Variants in CACNA1H observed in about 807,000 individuals in gnomAD.
CACNA1H encodes the protein voltage-dependent T-type calcium channel subunit alpha-1H.
CACNA1H carries 149 observed loss-of-function variants against 192.5 expected under a neutral mutation model. That is an observed-to-expected ratio of 0.77 (90% confidence interval 0.68 to 0.89). The LOEUF (loss-of-function observed/expected upper bound fraction) is 0.89. Among genes scored for constraint, CACNA1H ranks in the 40% least tolerant of loss-of-function variants. The pLI is 0.00. For missense variants in CACNA1H, 4,257 were observed against 3,423.5 expected (o/e 1.24, Z -6.08); for synonymous variants, 2,202 against 1,475.2 (o/e 1.49, Z -11.29).
At chr16:1,183,968 G>C (rs746333623) in intron 2 of CACNA1H, among the ~76,000 whole-genome samples, 1 of 152,238 alleles carries the variant, frequency 6.6e-6, no homozygotes, top group Admixed American at 6.5e-5. Flanking sequence ...GGGAAGGTGC[G>C]TCTGCCTCGG....
chr16:1,158,409 C>T (rs1395820077), intron 2 of CACNA1H, among the ~76,000 whole-genome samples: 1 of 152,176 alleles, frequency 6.6e-6, no homozygotes, highest in Non-Finnish European at 1.5e-5. Flanking sequence ...GGCAGCTCAT[C>T]CTTCCCGGGG....
intron 10 of CACNA1H, 27 bp downstream of exon 10, chr16:1,204,485 G>T (rs768696630): frequency 1.5e-5 from 22 of 1,507,532 alleles, no homozygotes; most frequent in Non-Finnish European, 1.9e-5. Context: ...CCACGGGGTG[G>T]GCTCCCTGTC....
intron 5 of CACNA1H, among the ~76,000 whole-genome samples, chr16:1,198,377 G>A (rs1370072958): frequency 6.6e-6 from 1 of 152,168 alleles, no homozygotes; most frequent in Admixed American, 6.5e-5. Context: ...GCGCCCCGCT[G>A]GATGCACGTC....
At chr16:1,218,773 G>C in intron 33 of CACNA1H, 122 bp downstream of exon 33, 1 of 1,172,654 alleles carries the variant, frequency 8.5e-7, no homozygotes, top group Non-Finnish European at 1.2e-6. Context: ...TGGGCGGGAA[G>C]GAGGATGGGG....
intron 33 of CACNA1H, 109 bp from the exon 34 acceptor site, chr16:1,218,861 G>A (rs1392727536): frequency 1.5e-6 from 2 of 1,308,080 alleles, no homozygotes; most frequent in East Asian, 2.5e-5. Flanking sequence ...GTCGGGCTGG[G>A]GCTGGCCAGG....
At chr16:1,193,578 G>A (rs374290206) in intron 2 of CACNA1H, among the ~76,000 whole-genome samples, 6 of 152,404 alleles carry the variant, frequency 3.9e-5, no homozygotes, top group South Asian at 2.1e-4. Flanking sequence ...GGGACAGCGC[G>A]TGGCTGTGCC....
In CACNA1H at chr16:1,195,096, G is replaced by C. The variant is rs749576501; in HGVS notation, c.411+13G>C. 6.4e-6 allele frequency: 10 copies of C among 1,564,270 alleles called. No homozygotes were observed. The highest frequency in any genetic ancestry group is 4.4e-6 in the Non-Finnish European group (5 of 1,139,044). On this transcript the variant is annotated intron_variant, in intron 3 of 34. Coordinates refer to ENST00000348261, the MANE Select transcript of CACNA1H (RefSeq NM_021098.3). ...CAACATCCTGGAGGTGAGGGGCGTG[G>C]GTCGGGGTGGGGAAGGAGCGTGGGT... is the stretch of plus-strand genomic sequence containing the variant.
At chr16:1,195,282 G>A in intron 3 of CACNA1H, 150 bp from the exon 4 acceptor site, 1 of 1,140,602 alleles carries the variant, frequency 8.8e-7, no homozygotes, top group Non-Finnish European at 1.2e-6. Context: ...TTCAAGGCGA[G>A]GCAGGGCTCA....
chr16:1,217,969 AGCAACTTCG>A lies in CACNA1H; in HGVS notation c.5378_5386del (p.Asn1793_Gly1795del). ...GGGCCTGAGCAGGCACGCCACCTTC[AGCAACTTCG>A]GCATGGCCTTCCTCACGCTGTTCCG... is the stretch of plus-strand genomic sequence containing the variant. On this transcript the variant is annotated inframe_deletion, in exon 32 of 35. Coordinates refer to ENST00000348261, the MANE Select transcript of CACNA1H (RefSeq NM_021098.3). 1.2e-6 allele frequency: 2 copies of A among 1,605,502 alleles called. No individual in the cohort carries two copies. Among genetic ancestry groups the A allele is most frequent in the Non-Finnish European group, 1.7e-6 (2 of 1,176,754 alleles).
Position 1,211,026 on chromosome 16 carries a change from C to T in CACNA1H, c.4223+55C>T, listed in dbSNP as rs534178346. The T allele has an allele frequency of 1.9e-6, 3 of 1,559,306 alleles. No individual in the cohort carries two copies. The Admixed American group carries it at 5.1e-5, about 27-fold the overall frequency. On this transcript the variant is annotated intron_variant, in intron 21 of 34. Coordinates refer to ENST00000348261, the MANE Select transcript of CACNA1H (RefSeq NM_021098.3). ...AACCTGGAAGCACAGTCCCCTGACG[C>T]CACTGCCCATTACTCCTCCCGCAGT... is the stretch of plus-strand genomic sequence containing the variant.
Position 1,218,504 on chromosome 16 carries a change from C to T in CACNA1H, c.5740C>T (p.Leu1914=), listed in dbSNP as rs776177983. Residue 1914 remains leucine, a synonymous_variant, in exon 33 of 35, where the codon CTG becomes TTG. Transcript: ENST00000348261. ...TCCGGGCGCCAGGGACGCCCCAAAC[C>T]TGGTTGCACGCAAGGTGTCCGTGTC... ...ESPGARDAPN[L]VARKVSVSRM... The T allele has an allele frequency of 6.4e-7, 1 of 1,553,204 alleles. No individual in the cohort carries two copies. Among genetic ancestry groups the T allele is most frequent in the Non-Finnish European group, 8.7e-7 (1 of 1,148,658 alleles).
intron 8 of CACNA1H, 40 bp downstream of exon 8, chr16:1,200,848 T>A: frequency 6.7e-7 from 1 of 1,495,384 alleles, no homozygotes. Flanking sequence ...TGGGCCCTGG[T>A]GTTAGCTGGC....
chr16:1,213,914 C>T lies in CACNA1H; in HGVS notation c.4912C>T (p.His1638Tyr). 1 of 1,611,200 alleles carries T rather than the reference C, an allele frequency of 6.2e-7. No individual in the cohort carries two copies. The highest frequency in any genetic ancestry group is 8.5e-7 in the Non-Finnish European group (1 of 1,179,190). Residue 1638 changes from histidine (H) to tyrosine (Y), a missense_variant, in exon 27 of 35, where the codon CAC becomes TAC. By Grantham distance (83) the His-to-Tyr change is moderately conservative (BLOSUM62 2). Transcript: ENST00000348261. ...CVNVITMSME[H>Y]YNQPKSLDEA... ...CAACGTCATCACCATGTCCATGGAG[C>T]ACTATAACCAACCCAAGGTGGGTGC...
chr16:1,211,413 C>A (rs1969433365), intron 22 of CACNA1H, 68 bp from the exon 23 acceptor site: 3 of 1,607,972 alleles, frequency 1.9e-6, no homozygotes, highest in East Asian at 4.5e-5. Context: ...CTCACTCGCG[C>A]CCCAGGAAGT....
Position 1,207,326 on chromosome 16 carries a change from A to G in CACNA1H, c.2959A>G (p.Thr987Ala). 1 of 1,610,644 alleles carries G rather than the reference A, an allele frequency of 6.2e-7. No homozygotes were observed. Among genetic ancestry groups the G allele is most frequent in the Non-Finnish European group, 8.5e-7 (1 of 1,178,780 alleles). ...NVVLYNGMAS[T>A]SSWAALYFVA... is the part of the protein sequence containing the mutation. ...GGTCCTGTACAACGGCATGGCCTCC[A>G]CCTCCTCCTGGGCCGCCCTCTACTT... The change falls in exon 14 of 35, where the codon ACC becomes GCC. Residue 987 changes from threonine (T) to alanine (A), a missense_variant. Transcript: ENST00000348261.
intron 32 of CACNA1H, 28 bp downstream of exon 32, chr16:1,218,068 C>G (rs1278462907): frequency 6.3e-7 from 1 of 1,588,866 alleles, no homozygotes; most frequent in Non-Finnish European, 8.6e-7. Context: ...GCCTCTGGCA[C>G]CTGGCAGCCC....
In CACNA1H at chr16:1,210,883, A is replaced by G. The variant is rs777447135; in HGVS notation, c.4135A>G (p.Ile1379Val). The part of the protein sequence containing the change: ...GLLVLVSLVD[I>V]VVAMASAGGA... ...GCTGGTGCTGGTGTCCCTGGTGGAC[A>G]TTGTCGTGGCCATGGCCTCGGCTGG... Residue 1379 changes from isoleucine to valine, a missense_variant, in exon 21 of 35, where the codon ATT becomes GTT. Transcript: ENST00000348261. 18 of 1,605,266 alleles carry G rather than the reference A, an allele frequency of 1.1e-5. No individual in the cohort carries two copies. The highest frequency in any genetic ancestry group is 3.4e-6 in the Non-Finnish European group (4 of 1,179,724).
chr16:1,211,693 G>A lies in CACNA1H; in HGVS notation c.4477-23G>A, dbSNP rs534879955. 25 of 1,612,328 alleles carry A rather than the reference G, an allele frequency of 1.6e-5. 1 individual carries two copies. In the South Asian group the frequency reaches 2.6e-4, roughly 17 times the overall value. On this transcript the variant is annotated intron_variant, in intron 23 of 34. Transcript: ENST00000348261. ...GCGACCCCAGCTCTAACCCTCGCCAGTGACCCTGGCTCTGGCCCTCAGGCC... is the reference window on the plus strand; with the variant it reads ...GCGACCCCAGCTCTAACCCTCGCCAATGACCCTGGCTCTGGCCCTCAGGCC...
chr16:1,184,742 G>T (rs564394935), intron 2 of CACNA1H, among the ~76,000 whole-genome samples: 1 of 152,366 alleles, frequency 6.6e-6, no homozygotes, highest in East Asian at 1.9e-4. Context: ...CTGCCCATGT[G>T]CCGGGTCTCA....
Sources: allele counts gnomAD v4.1 joint callset (sites outside exome capture counted in the v4.1 genomes callset), GRCh38; gene constraint gnomAD v4.1.1; transcripts MANE v1.5; gene names NCBI Gene and HGNC (gene_info 2026-07-23, HGNC 2026-07-21).